MRPL20: variants seen among roughly 807,000 people sequenced by gnomAD.
MRPL20 encodes mitochondrial ribosomal protein L20.
Under a neutral mutation model 20.0 loss-of-function variants are expected in MRPL20, and 21 were observed. The observed-to-expected ratio is 1.05, with a 90% CI of 0.74 to 1.51. The LOEUF is 1.51. Ranked by LOEUF, MRPL20 falls within the 40% of genes most tolerant of loss-of-function variation. The probability of loss-of-function intolerance (pLI) is 0.00; values close to 1 mark genes in which losing one functional copy is unlikely to be tolerated. For synonymous variants in MRPL20, 104 were observed against 73.0 expected, an observed-to-expected ratio of 1.43 and a Z score of -2.17; for missense variants, 252 against 185.6, an observed-to-expected ratio of 1.36 and a Z score of -2.08.
chr1:1,402,054 T>C lies in MRPL20; in HGVS notation c.*29A>G. On this transcript the variant is annotated 3_prime_UTR_variant, in exon 4 of 4. Coordinates refer to ENST00000344843, the MANE Select transcript of MRPL20 (RefSeq NM_017971.4). ...CAAACAAACTGCAAATTACTCTGTCTCTTTTCCTAATCAATACAGCAACAG... is the reference window on the plus strand; with the variant it reads ...CAAACAAACTGCAAATTACTCTGTCCCTTTTCCTAATCAATACAGCAACAG... 2 of 1,586,310 alleles carry C rather than the reference T, an allele frequency of 1.3e-6. No individual in the cohort carries two copies. Among genetic ancestry groups the C allele is most frequent in the Non-Finnish European group, 1.7e-6 (2 of 1,167,436 alleles).
intron 2 of MRPL20, chr1:1,406,608 A>T (rs1490985693): frequency 2.4e-6 from 1 of 423,306 alleles, no homozygotes; most frequent in Non-Finnish European, 4.4e-6. Context: ...AAGCCACCGG[A>T]GGGATGAGAG....
chr1:1,407,204 G>A lies in MRPL20; in HGVS notation c.14C>T (p.Thr5Ile). Reference sequence around the variant, plus strand: ...GCGATTCCGCAGCCAGAGCTGCGCGGTGAGGAAGACCATGGCGCCTGCAGG... The same window carrying A: ...GCGATTCCGCAGCCAGAGCTGCGCGATGAGGAAGACCATGGCGCCTGCAGG... MVFL[T>I]AQLWLRNRVT... The change falls in exon 1 of 4, where the codon ACC becomes ATC. Residue 5 changes from threonine (T) to isoleucine (I), a missense_variant. Thr to Ile is a moderately conservative substitution (Grantham distance 89). Coordinates refer to ENST00000344843, the MANE Select transcript of MRPL20 (RefSeq NM_017971.4). 3 of 1,604,064 alleles carry A rather than the reference G, an allele frequency of 1.9e-6. No individual in the cohort carries two copies. The highest frequency in any genetic ancestry group is 2.2e-5 in the South Asian group (2 of 90,060).
chr1:1,402,262 A>G lies in MRPL20; in HGVS notation c.277-6T>C, dbSNP rs780056422. The stretch of plus-strand genomic sequence containing the variant: ...CTGTTGAGCTCCACCTGGCACTGAA[A>G]AAAGAATGAATCAGAACCTGCTGTC... On this transcript the variant is annotated splice_polypyrimidine_tract_variant and splice_region_variant and intron_variant, in intron 3 of 3. Coordinates refer to ENST00000344843, the MANE Select transcript of MRPL20 (RefSeq NM_017971.4). 4 of 1,604,736 alleles carry G rather than the reference A, an allele frequency of 2.5e-6. No individual in the cohort carries two copies. Among genetic ancestry groups the G allele is most frequent in the Admixed American group, 3.4e-5 (2 of 58,254 alleles).
intron 2 of MRPL20, chr1:1,406,599 A>C (rs887112467): frequency 1.2e-4 from 50 of 400,524 alleles, no homozygotes; most frequent in African/African-American, 8.6e-4. Context: ...AGGGAAGGGA[A>C]GCCACCGGAG....
intron 3 of MRPL20, among the ~76,000 whole-genome samples, chr1:1,402,787 A>G (rs1294393473): frequency 6.6e-6 from 1 of 152,128 alleles, no homozygotes; most frequent in Non-Finnish European, 1.5e-5. Flanking sequence ...GTTCGAGACT[A>G]GTCTGACCAA....
intron 3 of MRPL20, among the ~76,000 whole-genome samples, chr1:1,403,887 G>A (rs146911073): frequency 4.6e-5 from 7 of 152,252 alleles, no homozygotes; most frequent in African/African-American, 1.4e-4. Context: ...TGTCGCCCAC[G>A]CTGGAGTACA....
At position 1,407,017 on chromosome 1, in the gene MRPL20, G is replaced by A. The variant is rs756361292; in HGVS notation, c.90C>T (p.His30=). 9.9e-6 allele frequency: 16 copies of A among 1,613,496 alleles called. No homozygotes were observed. Among genetic ancestry groups the A allele is most frequent in the Non-Finnish European group, 1.2e-5 (14 of 1,179,438 alleles). The part of the protein sequence containing the change: ...RIQEVLKHAR[H]FRGRKNRCYR... ...AGCAGCGATTTTTCCTTCCCCGGAAGTGCTGGGACAGAAAACGAGAAACCA... is the reference window on the plus strand; with the variant it reads ...AGCAGCGATTTTTCCTTCCCCGGAAATGCTGGGACAGAAAACGAGAAACCA... Residue 30 remains histidine (H), a splice_region_variant and synonymous_variant, in exon 2 of 4, where the codon CAC becomes CAT. Transcript: ENST00000344843.
chr1:1,405,715 G>C (rs767581283), intron 3 of MRPL20, 94 bp downstream of exon 3: 1 of 1,605,814 alleles, frequency 6.2e-7, no homozygotes, highest in East Asian at 2.2e-5. Context: ...TCAGCCTCCT[G>C]ATTAGCTGGG....
At chr1:1,406,686 C>A (rs1027687376) in intron 2 of MRPL20, 6 of 522,474 alleles carry the variant, frequency 1.1e-5, no homozygotes, top group African/African-American at 1.1e-4. Flanking sequence ...GTGGCCCGGG[C>A]GAGGGGCTGG....
chr1:1,405,895 A>T lies in MRPL20; in HGVS notation c.199-9T>A. 1 of 1,604,662 alleles carries T rather than the reference A, an allele frequency of 6.2e-7. No homozygotes were observed. Among genetic ancestry groups the T allele is most frequent in the Non-Finnish European group, 8.5e-7 (1 of 1,173,022 alleles). ...ATTCGATTAATCCAGAGCTGAAATA[A>T]GAAAACATGAAGATACTTAAAAATG... On this transcript the variant is annotated splice_polypyrimidine_tract_variant and intron_variant, in intron 2 of 3. Coordinates refer to ENST00000344843, the MANE Select transcript of MRPL20 (RefSeq NM_017971.4).
chr1:1,407,272 C>A lies in MRPL20; in HGVS notation c.-55G>T, dbSNP rs754930279. ...CAACAACGCACGCGCAGCGCCGCTGCCATCTTGCCCGGGTCGGAAATGGTG... is the reference window on the plus strand; with the variant it reads ...CAACAACGCACGCGCAGCGCCGCTGACATCTTGCCCGGGTCGGAAATGGTG... On this transcript the variant is annotated 5_prime_UTR_variant, in exon 1 of 4. Coordinates refer to ENST00000344843, the MANE Select transcript of MRPL20 (RefSeq NM_017971.4). The A allele has an allele frequency of 1.9e-5, 28 of 1,463,354 alleles. No individual in the cohort carries two copies. Among genetic ancestry groups the A allele is most frequent in the Non-Finnish European group, 2.6e-5 (28 of 1,070,708 alleles). The allele number at this position is 1,463,354 out of a possible 1,614,324, so 90.6% of individuals were successfully genotyped here.
In MRPL20 at chr1:1,402,028, T is replaced by C; in HGVS notation, c.*55A>G. The C allele has an allele frequency of 6.4e-7, 1 of 1,559,566 alleles. No individual in the cohort carries two copies. Among genetic ancestry groups the C allele is most frequent in the South Asian group, 1.2e-5 (1 of 83,256 alleles). ...GGTTGTAGATAAACAAAAGTATAAA[T>C]CAAACAAACTGCAAATTACTCTGTC... On this transcript the variant is annotated 3_prime_UTR_variant, in exon 4 of 4. Coordinates refer to ENST00000344843, the MANE Select transcript of MRPL20 (RefSeq NM_017971.4).
chr1:1,405,177 A>T (rs777582188), intron 3 of MRPL20: 31 of 154,586 alleles, frequency 2.0e-4, no homozygotes, highest in Non-Finnish European at 4.3e-4. Flanking sequence ...TTTAGTAGAG[A>T]CAGGGTTTCA....
chr1:1,404,158 T>G (rs34173019), intron 3 of MRPL20, among the ~76,000 whole-genome samples: 1,619 of 140,116 alleles, frequency 0.012, 40 homozygotes, highest in African/African-American at 0.039. Context: ...TTGTTTTAAC[T>G]TTTTTTTTTT....
chr1:1,406,241 C>A, intron 2 of MRPL20: 1 of 216,850 alleles, frequency 4.6e-6, no homozygotes, highest in Non-Finnish European at 9.4e-6. Flanking sequence ...GTCACAGTTA[C>A]TCGGGAGACT....
At chr1:1,404,657 T>A (rs1557750616) in intron 3 of MRPL20, among the ~76,000 whole-genome samples, 1 of 149,250 alleles carries the variant, frequency 6.7e-6, no homozygotes, top group African/African-American at 2.5e-5. Flanking sequence ...CCGGCCACCA[T>A]GCCCAGCTAA....
Position 1,407,192 on chromosome 1 carries a change from C to A in MRPL20, c.26G>T (p.Trp9Leu), listed in dbSNP as rs140228855. 39 of 1,605,968 alleles carry A rather than the reference C, an allele frequency of 2.4e-5. 1 individual carries two copies. The African/African-American group carries it at 4.8e-4, about 20-fold the overall frequency. The change falls in exon 1 of 4, where the codon TGG (tryptophan) becomes TTG (leucine). Residue 9 changes from tryptophan (W) to leucine (L), a missense_variant. Coordinates refer to ENST00000344843, the MANE Select transcript of MRPL20 (RefSeq NM_017971.4). ...GCGGTCGGTGACGCGATTCCGCAGC[C>A]AGAGCTGCGCGGTGAGGAAGACCAT... MVFLTAQL[W>L]LRNRVTDRYF... is the part of the protein sequence containing the mutation.
Position 1,405,821 on chromosome 1 carries a change from C to G in MRPL20, c.264G>C (p.Gly88=). ...TACTCACCCATACCTTAACTAAATTCCCAATGAGCGCTGGATACTTCAGTC... is the reference window on the plus strand; with the variant it reads ...TACTCACCCATACCTTAACTAAATTGCCAATGAGCGCTGGATACTTCAGTC... The part of the protein sequence containing the change: ...EHGLKYPALI[G]NLVKCQVELN... Residue 88 remains glycine (G), a synonymous_variant, in exon 3 of 4, where the codon GGG becomes GGC. Coordinates refer to ENST00000344843, the MANE Select transcript of MRPL20 (RefSeq NM_017971.4). The G allele has an allele frequency of 1.2e-6, 2 of 1,614,112 alleles. No individual in the cohort carries two copies. Among genetic ancestry groups the G allele is most frequent in the South Asian group, 2.2e-5 (2 of 91,080 alleles).
intron 2 of MRPL20, chr1:1,406,244 G>C (rs931294819): frequency 1.4e-5 from 3 of 212,176 alleles, no homozygotes; most frequent in South Asian, 6.7e-5. Context: ...ACAGTTACTC[G>C]GGAGACTGGG....
Sources: allele counts gnomAD v4.1 joint callset (sites outside exome capture counted in the v4.1 genomes callset), GRCh38; gene constraint gnomAD v4.1.1; transcripts MANE v1.5; gene names NCBI Gene and HGNC (gene_info 2026-07-23, HGNC 2026-07-21).